Variants in FLT3 observed in about 807,000 individuals in gnomAD.
FLT3 encodes receptor-type tyrosine-protein kinase FLT3.
FLT3 carries 46 observed loss-of-function variants against 126.6 expected under a neutral mutation model. The observed-to-expected ratio is 0.36, with a 90% CI of 0.29 to 0.46. The LOEUF is 0.46. FLT3 is among the 20% of genes least tolerant of loss of function. The pLI, the probability that FLT3 is intolerant of heterozygous loss-of-function variation, is 1.00. For missense variants in FLT3, 1,069 were observed against 1,190.3 expected (o/e 0.90, Z 1.50); for synonymous variants, 404 against 434.4 (o/e 0.93, Z 0.87).
chr13:28,039,156 C>T (rs1874110398), intron 9 of FLT3, among the ~76,000 whole-genome samples: 1 of 152,114 alleles, frequency 6.6e-6, no homozygotes, highest in African/African-American at 2.4e-5. Flanking sequence ...GGAGGAACGG[C>T]AAGCCTCTCA....
At chr13:28,070,744 A>C in intron 1 of FLT3, 132 bp from the exon 2 acceptor site, 1 of 665,494 alleles carries the variant, frequency 1.5e-6, no homozygotes, top group Non-Finnish European at 2.5e-6. Context: ...GTATGTAGGA[A>C]ATTTGATTTT....
chr13:28,025,230 AAG>A (rs1872702569), intron 17 of FLT3: 1 of 442,918 alleles, frequency 2.3e-6, no homozygotes. Context: ...CATTTTATAA[AAG>A]AGAAATTAGG....
At chr13:28,096,051 T>C (rs1186610818) in intron 1 of FLT3, among the ~76,000 whole-genome samples, 1 of 152,100 alleles carries the variant, frequency 6.6e-6, no homozygotes, top group African/African-American at 2.4e-5. Context: ...CAGTACTATA[T>C]CTCCATTTTT....
At chr13:28,030,564 T>G (rs140220173) in intron 15 of FLT3, among the ~76,000 whole-genome samples, 1 of 152,190 alleles carries the variant, frequency 6.6e-6, no homozygotes, top group Admixed American at 6.5e-5. Context: ...TACAGTGCCA[T>G]AAATGCAATA....
chr13:28,081,844 C>CTTTTTTTTTTTTTTTTTTTTTTTTTTTTT (rs35243277), intron 1 of FLT3, among the ~76,000 whole-genome samples: 2 of 64,988 alleles, frequency 3.1e-5, no homozygotes, highest in African/African-American at 6.9e-5. Context: ...TACTTTGATT[C>CTTTTTTTTTTTTTTTTTTTTTTTTTTTTT]TTTTTTTTTT....
At chr13:28,077,647 C>T (rs1878045713) in intron 1 of FLT3, among the ~76,000 whole-genome samples, 2 of 152,164 alleles carry the variant, frequency 1.3e-5, no homozygotes, top group Admixed American at 1.3e-4. Context: ...CCCTCCAAAT[C>T]TCATGTCCTG....
Position 28,004,025 on chromosome 13 carries a change from T to A in FLT3, c.*27A>T. ...AGCCTGTTAGGGATAGGTGGAGGGATGAAGTCCTTAAAACTAAATTGTTCC... is the reference window on the plus strand; with the variant it reads ...AGCCTGTTAGGGATAGGTGGAGGGAAGAAGTCCTTAAAACTAAATTGTTCC... On this transcript the variant is annotated 3_prime_UTR_variant, in exon 24 of 24. Transcript: ENST00000241453. 6.2e-7 allele frequency: 1 copy of A among 1,613,800 alleles called. No homozygotes were observed. The highest frequency in any genetic ancestry group is 1.3e-5 in the African/African-American group (1 of 75,046).
intron 3 of FLT3, among the ~76,000 whole-genome samples, chr13:28,059,883 C>A (rs1876378051): frequency 6.6e-6 from 1 of 151,760 alleles, no homozygotes; most frequent in South Asian, 2.1e-4. Context: ...TTGCTTGAAC[C>A]CAGGAGGAGG....
At chr13:28,047,711 CAAAAAA>C (rs56745762) in intron 9 of FLT3, among the ~76,000 whole-genome samples, 1 of 108,594 alleles carries the variant, frequency 9.2e-6, no homozygotes, top group Non-Finnish European at 1.9e-5. Flanking sequence ...GACCTCATCT[CAAAAAA>C]AAAAAAAAAA....
In FLT3 at chr13:28,024,910, C is replaced by T. The variant is rs771353499; in HGVS notation, c.2241G>A (p.Pro747=). 17 of 1,611,904 alleles carry T rather than the reference C, an allele frequency of 1.1e-5. No homozygotes were observed. The highest frequency in any genetic ancestry group is 6.7e-5 in the Admixed American group (4 of 59,616). The change falls in exon 18 of 24, where the codon CCG becomes CCA. Residue 747 remains proline (P), a synonymous_variant. Coordinates refer to ENST00000241453, the MANE Select transcript of FLT3 (RefSeq NM_004119.3). The part of the protein sequence containing the change: ...MPGSREVQIH[P]DSDQISGLHG... ...GAAGCCCTGAGATTTGATCCGAGTC[C>T]GGGTGTATCTGAACTTCTCTTGAAC...
At chr13:28,068,739 T>G (rs1044845916) in intron 2 of FLT3, among the ~76,000 whole-genome samples, 1 of 151,948 alleles carries the variant, frequency 6.6e-6, no homozygotes, top group Non-Finnish European at 1.5e-5. Flanking sequence ...TTAATTTTTT[T>G]GTTGTTGTTG....
At chr13:28,033,003 T>G (rs1873484074) in intron 15 of FLT3, among the ~76,000 whole-genome samples, 1 of 152,006 alleles carries the variant, frequency 6.6e-6, no homozygotes, top group Admixed American at 6.6e-5. Context: ...AGCAACGAAG[T>G]GAGGATACAA....
At chr13:28,091,222 T>C (rs903902618) in intron 1 of FLT3, among the ~76,000 whole-genome samples, 15 of 109,432 alleles carry the variant, frequency 1.4e-4, no homozygotes, top group African/African-American at 5.8e-4. Flanking sequence ...TTTTTTTTTT[T>C]TTTTTTTTTT....
At chr13:28,043,382 G>C (rs141222727) in intron 9 of FLT3, among the ~76,000 whole-genome samples, 1 of 152,152 alleles carries the variant, frequency 6.6e-6, no homozygotes, top group Non-Finnish European at 1.5e-5. Flanking sequence ...AAACTTTGGC[G>C]TAATATTTGA....
At position 28,015,262 on chromosome 13, in the gene FLT3, G is replaced by A. The variant is rs1452032093; in HGVS notation, c.2654-6C>T. ...GCCAGGGTAAGGATTCACACCTGAG[G>A]AAAACATTAGACAATTGCAGCCATT... is the stretch of plus-strand genomic sequence containing the variant. On this transcript the variant is annotated splice_region_variant and splice_polypyrimidine_tract_variant and intron_variant, in intron 21 of 23. Transcript: ENST00000241453. The A allele has an allele frequency of 6.5e-7, 1 of 1,532,916 alleles. No homozygotes were observed. Among genetic ancestry groups the A allele is most frequent in the Non-Finnish European group, 9.0e-7 (1 of 1,107,218 alleles). 95.0% of individuals were successfully genotyped at this position (1,532,916 alleles called of 1,614,324 possible).
chr13:28,033,925 G>C lies in FLT3; in HGVS notation c.1904C>G (p.Thr635Arg). The change falls in exon 15 of 24, where the codon ACA becomes AGA. Residue 635 changes from threonine (T) to arginine (R), a missense_variant. By Grantham distance (71) the Thr-to-Arg change is moderately conservative. Transcript: ENST00000241453. ...MNATAYGISK[T>R]GVSIQVAVKM... The stretch of plus-strand genomic sequence containing the variant: ...GACGGCAACCTGGATTGAGACTCCT[G>C]TTTTGCTAATTCCATAAGCTGTTGC... The C allele has an allele frequency of 6.2e-7, 1 of 1,614,174 alleles. No homozygotes were observed. Among genetic ancestry groups the C allele is most frequent in the Non-Finnish European group, 8.5e-7 (1 of 1,180,014 alleles).
chr13:28,067,984 C>T, intron 2 of FLT3: 1 of 277,726 alleles, frequency 3.6e-6, no homozygotes, highest in East Asian at 1.0e-4. Context: ...CAGTTCTTCA[C>T]AAAGAGAAAA....
In FLT3 at chr13:28,061,961, G is replaced by C; in HGVS notation, c.274C>G (p.Gln92Glu). The C allele has an allele frequency of 1.2e-6, 2 of 1,613,566 alleles. No homozygotes were observed. Among genetic ancestry groups the C allele is most frequent in the Non-Finnish European group, 8.5e-7 (1 of 1,179,660 alleles). Residue 92 changes from glutamine to glutamate, a missense_variant, in exon 3 of 24, where the codon CAA becomes GAA. By Grantham distance (29) the Gln-to-Glu change is conservative. Transcript: ENST00000241453. ...EVDVSASITL[Q>E]VLVDAPGNIS... ...TTCCCTGGGGCGTCGACCAGCACTT[G>C]CAGTGTGATGGAAGCAGATACATCC...
chr13:28,020,197 T>C (rs904345651), intron 19 of FLT3, among the ~76,000 whole-genome samples: 5 of 152,112 alleles, frequency 3.3e-5, no homozygotes, highest in African/African-American at 7.2e-5. Context: ...AGTCCAAGCA[T>C]GAAGCACGCA....
Sources: allele counts gnomAD v4.1 joint callset (sites outside exome capture counted in the v4.1 genomes callset), GRCh38; gene constraint gnomAD v4.1.1; transcripts MANE v1.5; gene names NCBI Gene and HGNC (gene_info 2026-07-23, HGNC 2026-07-21).